Variants in CNTN4 observed in about 807,000 individuals in gnomAD.
The protein encoded by CNTN4 is contactin 4, also known as contactin-4.
Under a neutral mutation model 122.5 loss-of-function variants are expected in CNTN4, and 77 were observed. The observed-to-expected ratio is 0.63, with a 90% CI of 0.52 to 0.76. The LOEUF (loss-of-function observed/expected upper bound fraction) is 0.76, where lower values mean the gene tolerates loss of function less well. CNTN4 is among the 30% of genes least tolerant of loss of function. CNTN4 has a pLI of 0.00. For synonymous variants in CNTN4, 512 were observed against 447.0 expected (o/e 1.15, Z -1.83); for missense variants, 1,256 against 1,259.1 (o/e 1.00, Z 0.04).
chr3:2,328,347 G>A (rs13078524), intron 2 of CNTN4, among the ~76,000 whole-genome samples: 50,755 of 145,830 alleles, frequency 0.35, 9,948 homozygotes, highest in East Asian at 0.77. Context: ...CGGAGCTTGC[G>A]GTGAGCCAAG....
intron 13 of CNTN4, 77 bp from the exon 14 acceptor site, chr3:2,988,268 C>A: frequency 1.5e-6 from 2 of 1,353,052 alleles, no homozygotes; most frequent in South Asian, 1.2e-5. Context: ...TGAACAATGA[C>A]AGAATGACAG....
intron 2 of CNTN4, among the ~76,000 whole-genome samples, chr3:2,113,937 G>C (rs1475988863): frequency 2.0e-5 from 3 of 152,184 alleles, no homozygotes; most frequent in Non-Finnish European, 4.4e-5. Flanking sequence ...CTTTGCTGAG[G>C]TCCTGCATAG....
intron 13 of CNTN4, among the ~76,000 whole-genome samples, chr3:2,955,852 G>A (rs564829661): frequency 8.6e-5 from 13 of 151,658 alleles, no homozygotes; most frequent in South Asian, 2.1e-4. Context: ...CAGCTAGTGG[G>A]GATGTAAAAT....
At chr3:2,356,848 G>T (rs896111202) in intron 3 of CNTN4, among the ~76,000 whole-genome samples, 3 of 152,182 alleles carry the variant, frequency 2.0e-5, no homozygotes, top group Non-Finnish European at 4.4e-5. Context: ...AATAGATGCT[G>T]TCTTTGGCTT....
intron 14 of CNTN4, among the ~76,000 whole-genome samples, chr3:3,006,210 T>C (rs1247290480): frequency 6.6e-6 from 1 of 152,132 alleles, no homozygotes; most frequent in African/African-American, 2.4e-5. Flanking sequence ...ACTTTTGTTA[T>C]CTAAACGTAC....
chr3:2,593,876 G>A (rs897848709), intron 4 of CNTN4, among the ~76,000 whole-genome samples: 1 of 152,130 alleles, frequency 6.6e-6, no homozygotes, highest in Non-Finnish European at 1.5e-5. Flanking sequence ...TTCCTGTGAT[G>A]TCCCAGTTAG....
intron 5 of CNTN4, among the ~76,000 whole-genome samples, chr3:2,738,488 G>A (rs146397429): frequency 1.7e-3 from 256 of 152,284 alleles, no homozygotes; most frequent in African/African-American, 5.8e-3. Flanking sequence ...AGACATACTT[G>A]AGGTGGAAGA....
chr3:2,102,028 A>T (rs561290329), intron 2 of CNTN4, among the ~76,000 whole-genome samples: 36 of 152,286 alleles, frequency 2.4e-4, no homozygotes, highest in Middle Eastern at 3.4e-3. Context: ...CCTCTCATGG[A>T]CTCATATGTG....
chr3:2,533,860 GTGA>G (rs1169805631), intron 3 of CNTN4, among the ~76,000 whole-genome samples: 1 of 152,118 alleles, frequency 6.6e-6, no homozygotes, highest in Non-Finnish European at 1.5e-5. Context: ...TTGATGACCA[GTGA>G]TGATGAGCAT....
chr3:2,174,830 G>A (rs1165205684), intron 2 of CNTN4, among the ~76,000 whole-genome samples: 1 of 152,122 alleles, frequency 6.6e-6, no homozygotes, highest in Non-Finnish European at 1.5e-5. Context: ...GCAGGAGCGG[G>A]CACATCACAT....
At chr3:2,538,845 G>A (rs931230905) in intron 3 of CNTN4, among the ~76,000 whole-genome samples, 10 of 151,362 alleles carry the variant, frequency 6.6e-5, no homozygotes, top group Non-Finnish European at 1.2e-4. Flanking sequence ...ACATATATAT[G>A]CACACACAGA....
rs548761152 is a variant in CNTN4, at chr3:2,418,848, A to G, written c.-89+79615A>G. Among the ~76,000 whole-genome samples the G allele has an allele frequency of 1.2e-4, 19 of 152,276 alleles. No individual in the cohort carries two copies. In the South Asian group the frequency reaches 1.9e-3, roughly 15 times the overall value. ...AGAAGGGAATAATTTACAGTTCATG[A>G]TATTTGTATTTAGATGTTTGTATTT... On this transcript the variant is annotated intron_variant, in intron 3 of 24. Coordinates refer to ENST00000418658, the MANE Select transcript of CNTN4 (RefSeq NM_175607.3).
chr3:2,414,087 T>A (rs2047325831), intron 3 of CNTN4, among the ~76,000 whole-genome samples: 1 of 152,102 alleles, frequency 6.6e-6, no homozygotes, highest in Non-Finnish European at 1.5e-5. Flanking sequence ...ACGAATGATA[T>A]AGGTAGAGAT....
chr3:2,284,232 A>G (rs2041827397), intron 2 of CNTN4, among the ~76,000 whole-genome samples: 1 of 152,158 alleles, frequency 6.6e-6, no homozygotes, highest in South Asian at 2.1e-4. Context: ...GAAGGAAACA[A>G]CATCAGAAAT....
intron 2 of CNTN4, among the ~76,000 whole-genome samples, chr3:2,265,094 G>A (rs1197479178): frequency 3.3e-5 from 5 of 151,962 alleles, no homozygotes; most frequent in African/African-American, 1.2e-4. Context: ...TCTCACTTAT[G>A]AGTGAGAACA....
chr3:2,212,245 G>A (rs2038654004), intron 2 of CNTN4, among the ~76,000 whole-genome samples: 1 of 152,122 alleles, frequency 6.6e-6, no homozygotes, highest in South Asian at 2.1e-4. Context: ...AAAGTGCTGT[G>A]ATTACAGGCA....
chr3:2,879,838 T>TA (rs1444692900), intron 8 of CNTN4, among the ~76,000 whole-genome samples: 2 of 152,302 alleles, frequency 1.3e-5, no homozygotes, highest in Non-Finnish European at 2.9e-5. Flanking sequence ...GTGCACTTTT[T>TA]AGTATGTAAA....
At chr3:2,249,365 AAAT>A (rs2040287237) in intron 2 of CNTN4, among the ~76,000 whole-genome samples, 1 of 151,946 alleles carries the variant, frequency 6.6e-6, no homozygotes, top group Non-Finnish European at 1.5e-5. Context: ...AGAGAGATTA[AAAT>A]AATCTTCCGA....
At chr3:2,161,739 T>C (rs2035975590) in intron 2 of CNTN4, among the ~76,000 whole-genome samples, 1 of 152,310 alleles carries the variant, frequency 6.6e-6, no homozygotes. Flanking sequence ...ATATGTTAAG[T>C]AGTAAGAACA....
Sources: gnomAD v4.1 joint callset for allele counts (sites outside exome capture counted in the v4.1 genomes callset) on GRCh38, gnomAD v4.1.1 for gene constraint, MANE v1.5 for transcripts, NCBI Gene and HGNC (gene_info 2026-07-23, HGNC 2026-07-21) for gene names.